The following PCDH9 variants were observed in gnomAD, a reference collection of about 807,000 sequenced individuals.
The protein encoded by PCDH9 is protocadherin-9.
In PCDH9, 24 loss-of-function variants were observed where a neutral mutation model predicts 70.6. The ratio of observed to expected loss-of-function variants is 0.34; its 90% confidence interval spans 0.25 to 0.48. PCDH9 has a LOEUF of 0.48. PCDH9 is among the 20% of genes least tolerant of loss of function. The pLI is 0.99. For synonymous variants in PCDH9, 562 were observed against 558.5 expected, an observed-to-expected ratio of 1.01 and a Z score of -0.09; for missense variants, 1,281 against 1,503.6, an observed-to-expected ratio of 0.85 and a Z score of 2.45.
At chr13:66,833,773 C>A (rs112989253) in intron 3 of PCDH9, among the ~76,000 whole-genome samples, 1,702 of 152,180 alleles carry the variant, frequency 0.011, 28 homozygotes, top group African/African-American at 0.039. Flanking sequence ...AGTATATGAT[C>A]ATTAGTTTCC....
intron 2 of PCDH9, among the ~76,000 whole-genome samples, chr13:66,974,910 G>T (rs906273488): frequency 4.6e-5 from 7 of 151,950 alleles, no homozygotes; most frequent in African/African-American, 1.7e-4. Flanking sequence ...GACATAACCT[G>T]GTTTAAATAA....
chr13:66,768,916 A>G (rs184459113), intron 3 of PCDH9, among the ~76,000 whole-genome samples: 2 of 152,088 alleles, frequency 1.3e-5, no homozygotes, highest in Non-Finnish European at 2.9e-5. Context: ...CAAACAAACA[A>G]AGAAAAGCCC....
intron 3 of PCDH9, among the ~76,000 whole-genome samples, chr13:66,724,880 T>C (rs1269763252): frequency 2.0e-5 from 3 of 152,188 alleles, no homozygotes; most frequent in East Asian, 3.9e-4. Flanking sequence ...TTCCTTGATA[T>C]AGTAAGCTCT....
At chr13:66,312,308 TAAAGA>T (rs1955575444) in intron 4 of PCDH9, among the ~76,000 whole-genome samples, 1 of 152,120 alleles carries the variant, frequency 6.6e-6, no homozygotes, top group African/African-American at 2.4e-5. Context: ...TTCATTTCAG[TAAAGA>T]AAAGCCCAAG....
intron 3 of PCDH9, among the ~76,000 whole-genome samples, chr13:66,641,255 G>A (rs546104093): frequency 2.0e-5 from 3 of 151,994 alleles, no homozygotes; most frequent in Non-Finnish European, 4.4e-5. Flanking sequence ...ATGTCAATGG[G>A]AATGATGTAC....
At chr13:66,337,685 A>G (rs1355325054) in intron 4 of PCDH9, among the ~76,000 whole-genome samples, 3 of 152,076 alleles carry the variant, frequency 2.0e-5, no homozygotes, top group Non-Finnish European at 1.5e-5. Flanking sequence ...GTCTAGGACA[A>G]GGACATCTTA....
intron 3 of PCDH9, among the ~76,000 whole-genome samples, chr13:66,849,075 C>G (rs1442529091): frequency 6.6e-6 from 1 of 151,864 alleles, no homozygotes; most frequent in African/African-American, 2.4e-5. Context: ...GAATATGATT[C>G]CTTTGTAGCA....
chr13:67,067,931 A>G (rs1228813637), intron 2 of PCDH9, among the ~76,000 whole-genome samples: 2 of 152,172 alleles, frequency 1.3e-5, no homozygotes, highest in African/African-American at 4.8e-5. Flanking sequence ...CTCAAAGTTC[A>G]TAATTCTTTA....
At chr13:66,534,825 A>G (rs1028208993) in intron 4 of PCDH9, among the ~76,000 whole-genome samples, 1 of 152,156 alleles carries the variant, frequency 6.6e-6, no homozygotes, top group Non-Finnish European at 1.5e-5. Context: ...GGAATATTTG[A>G]AACATAATCT....
chr13:66,516,289 A>C (rs1321474116), intron 4 of PCDH9, among the ~76,000 whole-genome samples: 1 of 152,004 alleles, frequency 6.6e-6, no homozygotes, highest in Non-Finnish European at 1.5e-5. Context: ...CAAGATTATT[A>C]CTGGGTCTTT....
chr13:66,689,079 C>T (rs2078445452), intron 3 of PCDH9, among the ~76,000 whole-genome samples: 1 of 152,100 alleles, frequency 6.6e-6, no homozygotes, highest in South Asian at 2.1e-4. Flanking sequence ...ATCAAGGAAA[C>T]ACAAATGTAT....
intron 2 of PCDH9, among the ~76,000 whole-genome samples, chr13:67,044,319 A>T (rs2085181180): frequency 2.0e-5 from 3 of 152,202 alleles, no homozygotes; most frequent in African/African-American, 7.2e-5. Context: ...TAACCTTACA[A>T]CATCTTATTA....
chr13:67,069,745 C>G (rs1477356583), intron 2 of PCDH9, among the ~76,000 whole-genome samples: 1 of 152,034 alleles, frequency 6.6e-6, no homozygotes, highest in Non-Finnish European at 1.5e-5. Flanking sequence ...GAAATTTGCT[C>G]TAATTAAATT....
intron 4 of PCDH9, among the ~76,000 whole-genome samples, chr13:66,464,888 G>A (rs7334342): frequency 6.6e-6 from 1 of 151,840 alleles, no homozygotes; most frequent in Admixed American, 6.6e-5. Context: ...TAATTAAAAA[G>A]AATATATCTA....
intron 2 of PCDH9, among the ~76,000 whole-genome samples, chr13:67,083,182 A>G (rs2086020962): frequency 2.0e-5 from 3 of 152,152 alleles, no homozygotes; most frequent in Admixed American, 2.0e-4. Context: ...TTCAACAAAA[A>G]TATATATAAA....
chr13:67,015,477 C>T (rs1413094612), intron 2 of PCDH9, among the ~76,000 whole-genome samples: 6 of 152,214 alleles, frequency 3.9e-5, no homozygotes, highest in South Asian at 4.1e-4. Flanking sequence ...CCTAGCCAGT[C>T]GCTCAACTTT....
chr13:66,964,135 C>T (rs1335723529), intron 2 of PCDH9, among the ~76,000 whole-genome samples: 1 of 151,852 alleles, frequency 6.6e-6, no homozygotes, highest in Non-Finnish European at 1.5e-5. Context: ...AAAGATAACA[C>T]GGATATCTTT....
At chr13:67,133,312 A>G (rs1278493836) in intron 2 of PCDH9, among the ~76,000 whole-genome samples, 1 of 152,106 alleles carries the variant, frequency 6.6e-6, no homozygotes, top group Non-Finnish European at 1.5e-5. Context: ...AATAGGGACA[A>G]CCGATAAAAA....
In PCDH9 at chr13:67,192,396, G is replaced by A. The variant is rs558999444; in HGVS notation, c.3036+33009C>T. 1.8e-4 allele frequency among the ~76,000 whole-genome samples: 27 copies of A among 152,162 alleles called. No homozygotes were observed. The South Asian group carries it at 5.6e-3, about 32-fold the overall frequency. On this transcript the variant is annotated intron_variant, in intron 2 of 4. Coordinates refer to ENST00000377865, the MANE Select transcript of PCDH9 (RefSeq NM_203487.3). ...CAAAGGTTTAATCTCTCTTCTAAAG[G>A]TTTCTCTGACGATCCCAGTCAGAAA...
Sources: gnomAD v4.1 joint callset for allele counts (sites outside exome capture counted in the v4.1 genomes callset) on GRCh38, gnomAD v4.1.1 for gene constraint, MANE v1.5 for transcripts, NCBI Gene and HGNC (gene_info 2026-07-23, HGNC 2026-07-21) for gene names.